Variants in AMZ1 observed in about 807,000 individuals in gnomAD.
AMZ1 encodes archaemetzincin-1.
Under a neutral mutation model 29.9 loss-of-function variants are expected in AMZ1, and 39 were observed. The ratio of observed to expected loss-of-function variants is 1.30; its 90% CI spans 1.01 to 1.70. The LOEUF is 1.70. AMZ1 is among the 40% of genes most tolerant of loss of function. The pLI, the probability that AMZ1 is intolerant of heterozygous loss-of-function variation, is 0.00. For missense variants in AMZ1, 1,041 were observed against 680.6 expected (o/e 1.53, Z -5.89); for synonymous variants, 458 against 304.0 (o/e 1.51, Z -5.27).
At chr7:2,728,659 G>A (rs542965388) in intron 4 of AMZ1, 1 of 152,650 alleles carries the variant, frequency 6.6e-6, no homozygotes, top group East Asian at 1.9e-4. Flanking sequence ...AGGATTAACA[G>A]TGAAATTAAA....
chr7:2,685,427 G>A (rs1787040925), upstream of AMZ1, among the ~76,000 whole-genome samples: 3 of 151,752 alleles, frequency 2.0e-5, no homozygotes, highest in South Asian at 4.2e-4. Context: ...GCGAGGTGAC[G>A]GGCACCTGTA....
upstream of AMZ1, among the ~76,000 whole-genome samples, chr7:2,686,578 G>A (rs1344022483): frequency 6.6e-6 from 1 of 152,150 alleles, no homozygotes; most frequent in African/African-American, 2.4e-5. Context: ...AGGAGAAGGC[G>A]ATCAGAAGGA....
At position 2,717,540 on chromosome 7, in the gene AMZ1, G is replaced by C. The variant is rs1053743075; in HGVS notation, c.*4662G>C. Among the ~76,000 whole-genome samples, 2 of 152,234 alleles carry C rather than the reference G, an allele frequency of 1.3e-5. No homozygotes were observed. Among genetic ancestry groups the C allele is most frequent in the African/African-American group, 4.8e-5 (2 of 41,464 alleles). On this transcript the variant is annotated 3_prime_UTR_variant, in exon 7 of 7. Transcript: ENST00000683327. ...TAGCTGTGATCCCTGTGGGGCAACT[G>C]CACACAGAGGTGCCCAGTTTCAAGG...
chr7:2,691,177 C>A (rs1321907244), intron 1 of AMZ1, among the ~76,000 whole-genome samples: 1 of 144,138 alleles, frequency 6.9e-6, no homozygotes. Flanking sequence ...GATGCTTTGC[C>A]TGGAGTAGGA....
chr7:2,701,457 C>T (rs1247047278), intron 2 of AMZ1, among the ~76,000 whole-genome samples: 3 of 152,110 alleles, frequency 2.0e-5, no homozygotes, highest in Non-Finnish European at 4.4e-5. Context: ...CTTGAGGGCC[C>T]AGAGTGGTCA....
At chr7:2,680,364 G>A (rs1786839117) in intron 1 of AMZ1, among the ~76,000 whole-genome samples, 1 of 152,144 alleles carries the variant, frequency 6.6e-6, no homozygotes, top group African/African-American at 2.4e-5. Context: ...CTGGGCAGGT[G>A]TGCAGCCCAC....
In AMZ1 at chr7:2,700,559, C is replaced by G. The variant is rs752097484; in HGVS notation, c.108C>G (p.Phe36Leu). ...TGCAGCAGCTGTATGTGTCCGCCTT[C>G]TCCCCTGCCGAGCGGCTCTTCCTGG... is the stretch of plus-strand genomic sequence containing the variant. ...AALQQLYVSA[F>L]SPAERLFLAE... Residue 36 changes from phenylalanine to leucine, a missense_variant, in exon 2 of 7, where the codon TTC becomes TTG. Phe to Leu is a conservative substitution (Grantham distance 22). Coordinates refer to ENST00000683327, the MANE Select transcript of AMZ1 (RefSeq NM_001384743.1). 1 of 1,609,764 alleles carries G rather than the reference C, an allele frequency of 6.2e-7. No individual in the cohort carries two copies. Among genetic ancestry groups the G allele is most frequent in the Non-Finnish European group, 8.5e-7 (1 of 1,179,956 alleles).
At position 2,741,828 on chromosome 7, in the gene AMZ1, G is replaced by A. The variant is rs1027625949; in HGVS notation, n.551-22884G>A. ...ACTTCAGGTGCTGCTTCAGGAGAAC[G>A]CCGCAAGGATAAGAGTATTCATCTA... On this transcript the variant is annotated intron_variant and non_coding_transcript_variant, in intron 4 of 4. Coordinates refer to the AMZ1 transcript ENST00000489665. Among the ~76,000 whole-genome samples, 44 of 150,662 alleles carry A rather than the reference G, an allele frequency of 2.9e-4. 1 individual carries two copies. The highest frequency in any genetic ancestry group is 6.4e-4 in the South Asian group (3 of 4,718).
intron 4 of AMZ1, among the ~76,000 whole-genome samples, chr7:2,750,967 A>C (rs1166299615): frequency 1.3e-5 from 2 of 152,256 alleles, no homozygotes; most frequent in Non-Finnish European, 2.9e-5. Context: ...AGACATGCCA[A>C]AATCAAGAAG....
chr7:2,729,250 G>C (rs1302548982), intron 4 of AMZ1: 1 of 152,378 alleles, frequency 6.6e-6, no homozygotes, highest in East Asian at 1.9e-4. Context: ...GGCAAACAAA[G>C]CTCACCACGC....
intron 4 of AMZ1, among the ~76,000 whole-genome samples, chr7:2,755,051 G>C (rs1054877037): frequency 4.6e-5 from 7 of 152,200 alleles, no homozygotes; most frequent in African/African-American, 1.7e-4. Context: ...TCTTCACTGA[G>C]TTGCTTCTGC....
Position 2,713,003 on chromosome 7 carries a change from T to C in AMZ1, c.*125T>C. 1 of 1,076,420 alleles carries C rather than the reference T, an allele frequency of 9.3e-7. No individual in the cohort carries two copies. The highest frequency in any genetic ancestry group is 1.2e-6 in the Non-Finnish European group (1 of 806,444). 66.7% of individuals were successfully genotyped at this position (1,076,420 alleles called of 1,614,324 possible). On this transcript the variant is annotated 3_prime_UTR_variant, in exon 7 of 7. Transcript: ENST00000683327. ...GTCTGCCTGGGTGGTGGCTCAGGCC[T>C]GTCATCCCATCACTTTGAGAGGCCA...
intron 4 of AMZ1, among the ~76,000 whole-genome samples, chr7:2,739,820 C>T (rs545737351): frequency 1.7e-4 from 26 of 152,074 alleles, no homozygotes; most frequent in Non-Finnish European, 3.2e-4. Flanking sequence ...TACAGGCGTG[C>T]GCCACCAAAC....
upstream of AMZ1, chr7:2,762,345 C>T (rs539276944): frequency 6.4e-4 from 239 of 375,962 alleles, no homozygotes; most frequent in Non-Finnish European, 9.4e-4. Context: ...GCTGGACACA[C>T]ACGATCCCAC....
At chr7:2,727,416 G>A (rs1386462743) in intron 4 of AMZ1, among the ~76,000 whole-genome samples, 4 of 151,976 alleles carry the variant, frequency 2.6e-5, no homozygotes, top group Non-Finnish European at 4.4e-5. Context: ...CTTTGCTCTT[G>A]CCCAGGGTGG....
At chr7:2,685,640 G>A (rs1398437322), upstream of AMZ1, among the ~76,000 whole-genome samples, 2 of 151,546 alleles carry the variant, frequency 1.3e-5, no homozygotes, top group African/African-American at 2.4e-5. Context: ...GGATCACGAG[G>A]TCAGGAGATC....
chr7:2,727,851 A>G (rs998341665), intron 4 of AMZ1, among the ~76,000 whole-genome samples: 1 of 151,748 alleles, frequency 6.6e-6, no homozygotes, highest in Non-Finnish European at 1.5e-5. Flanking sequence ...AGGTCAGGAG[A>G]TAGAGACCAC....
chr7:2,732,554 G>A (rs889795554), intron 4 of AMZ1, among the ~76,000 whole-genome samples: 4 of 151,974 alleles, frequency 2.6e-5, no homozygotes, highest in African/African-American at 9.7e-5. Context: ...TCAAAAAATC[G>A]AAAAACAAAA....
At position 2,712,772 on chromosome 7, in the gene AMZ1, G is replaced by T. The variant is rs370233879; in HGVS notation, c.1391G>T (p.Arg464Leu). 6.3e-7 allele frequency: 1 copy of T among 1,589,980 alleles called. No individual in the cohort carries two copies. Among genetic ancestry groups the T allele is most frequent in the Admixed American group, 1.7e-5 (1 of 58,518 alleles). The stretch of plus-strand genomic sequence containing the variant: ...AGCAGCAGGGACAGCGTGGGGCTGC[G>T]CAAGGTGCTGGGGGACAAGTTCTCC... Reference protein sequence around the residue: ...PPSSRDSVGLRKVLGDKFSSL... With the variant: ...PPSSRDSVGLLKVLGDKFSSL... Residue 464 changes from arginine (R) to leucine (L), a missense_variant, in exon 7 of 7, where the codon CGC (arginine) becomes CTC (leucine). Physicochemically the swap from Arg to Leu is moderately radical, Grantham distance 102 (BLOSUM62 -2). Transcript: ENST00000683327.
Sources: allele counts gnomAD v4.1 joint callset (sites outside exome capture counted in the v4.1 genomes callset), GRCh38; gene constraint gnomAD v4.1.1; transcripts MANE v1.5; gene names NCBI Gene and HGNC (gene_info 2026-07-23, HGNC 2026-07-21).